The following MAP2 variants were observed in gnomAD, a reference collection of about 807,000 sequenced individuals.
The protein encoded by MAP2 is microtubule associated protein 2.
In MAP2, 14 loss-of-function variants were observed where a neutral mutation model predicts 137.6. The observed-to-expected ratio is 0.10, with a 90% CI of 0.07 to 0.16. MAP2 has a LOEUF of 0.16. Among genes scored for constraint, MAP2 ranks in the 10% least tolerant of loss-of-function variants. MAP2 has a pLI of 1.00. For synonymous variants in MAP2, 786 were observed against 782.3 expected (o/e 1.00, Z -0.08); for missense variants, 2,088 against 2,191.5 (o/e 0.95, Z 0.94).
rs568947757 is a variant in MAP2, at chr2:209,731,327, T to TA, written c.*938dup. ...ATGTTAGCAGGGTTCTCTCCCTATTTAAAAAAAATACATTAAAAAAGACAA... is the reference window on the plus strand; with the variant it reads ...ATGTTAGCAGGGTTCTCTCCCTATTTAAAAAAAAATACATTAAAAAAGACAA... On this transcript the variant is annotated 3_prime_UTR_variant, in exon 16 of 16. Transcript: ENST00000682079. The TA allele has an allele frequency of 1.1e-3, 163 of 152,372 alleles. No individual in the cohort carries two copies. The highest frequency in any genetic ancestry group is 1.9e-3 in the Non-Finnish European group (132 of 67,962). The allele number at this position is 152,372 out of a possible 1,614,324, so 9.4% of individuals were successfully genotyped here.
chr2:209,521,411 C>T (rs976888044), intron 2 of MAP2, among the ~76,000 whole-genome samples: 2 of 151,794 alleles, frequency 1.3e-5, no homozygotes, highest in Non-Finnish European at 2.9e-5. Flanking sequence ...AATCCTTCCT[C>T]CCCCACCCCC....
At chr2:209,600,444 G>A (rs2082651036) in intron 3 of MAP2, among the ~76,000 whole-genome samples, 1 of 152,164 alleles carries the variant, frequency 6.6e-6, no homozygotes, top group African/African-American at 2.4e-5. Flanking sequence ...ACCAGCTGCT[G>A]TCAGTCCCCC....
chr2:209,538,489 C>T (rs1251481104), intron 2 of MAP2, among the ~76,000 whole-genome samples: 1 of 143,500 alleles, frequency 7.0e-6, no homozygotes, highest in Non-Finnish European at 1.5e-5. Context: ...TGAAACAAGA[C>T]AAAACTCAAG....
chr2:209,571,898 C>T (rs1395185276), intron 2 of MAP2, among the ~76,000 whole-genome samples: 4 of 151,808 alleles, frequency 2.6e-5, no homozygotes, highest in Non-Finnish European at 5.9e-5. Flanking sequence ...TTTATACCAT[C>T]CCATTGGCTT....
chr2:209,697,096 A>ATT, intron 10 of MAP2, 45 bp downstream of exon 10: 5 of 1,441,104 alleles, frequency 3.5e-6, no homozygotes, highest in South Asian at 1.4e-5. Flanking sequence ...ATAGACATGT[A>ATT]TTTTTTTTTT....
chr2:209,694,394 G>T lies in MAP2; in HGVS notation c.2224G>T (p.Gly742Trp). 1 of 1,614,108 alleles carries T rather than the reference G, an allele frequency of 6.2e-7. No individual in the cohort carries two copies. The highest frequency in any genetic ancestry group is 8.5e-7 in the Non-Finnish European group (1 of 1,179,998). Residue 742 changes from glycine to tryptophan, a missense_variant, in exon 8 of 16, where the codon GGG becomes TGG. Gly to Trp is a radical substitution (Grantham distance 184, BLOSUM62 -2). Around this residue, in one of 6 missense-constraint regions of MAP2, gnomAD observed 500 missense variants for 482.9 expected, o/e 1.04. Coordinates refer to ENST00000682079, the MANE Select transcript of MAP2 (RefSeq NM_001375505.1). ...CAACACTAGTGGAAGTATGGATGAA[G>T]GGGATGATTACCTTCCAGCCACCAC... Reference protein sequence around the residue: ...LTNTSGSMDEGDDYLPATTPA... With the variant: ...LTNTSGSMDEWDDYLPATTPA...
Position 209,730,724 on chromosome 2 carries a change from C to A in MAP2, c.*327C>A. 4.4e-6 allele frequency: 1 copy of A among 227,642 alleles called. No individual in the cohort carries two copies. Among genetic ancestry groups the A allele is most frequent in the Non-Finnish European group, 8.7e-6 (1 of 114,418 alleles). The allele number at this position is 227,642 out of a possible 1,614,324, so 14.1% of individuals were successfully genotyped here. ...GTGCCTGAAGGCTATCCACTACATT[C>A]TGAAGGCCTTGTTAAAATCCAAGCT... On this transcript the variant is annotated 3_prime_UTR_variant, in exon 16 of 16. Coordinates refer to ENST00000682079, the MANE Select transcript of MAP2 (RefSeq NM_001375505.1).
At chr2:209,690,151 T>A (rs980037590) in intron 7 of MAP2, among the ~76,000 whole-genome samples, 18 of 152,158 alleles carry the variant, frequency 1.2e-4, no homozygotes, top group South Asian at 2.1e-4. Context: ...AGGGGCTTCC[T>A]GCATTGGCGA....
chr2:209,609,095 A>G (rs2085861725), intron 3 of MAP2, among the ~76,000 whole-genome samples: 1 of 152,052 alleles, frequency 6.6e-6, no homozygotes, highest in Non-Finnish European at 1.5e-5. Context: ...GAAATCAGGA[A>G]GGGTGTTTCA....
At chr2:209,608,538 T>G (rs2085619247) in intron 3 of MAP2, among the ~76,000 whole-genome samples, 1 of 152,162 alleles carries the variant, frequency 6.6e-6, no homozygotes, top group Non-Finnish European at 1.5e-5. Flanking sequence ...AATATTGAAT[T>G]GTATTGTTTT....
At chr2:209,635,957 G>T (rs79773150) in intron 4 of MAP2, among the ~76,000 whole-genome samples, 1,722 of 152,218 alleles carry the variant, frequency 0.011, 34 homozygotes, top group African/African-American at 0.04. Flanking sequence ...ACCCCAATGT[G>T]GCTGAACTCA....
intron 5 of MAP2, among the ~76,000 whole-genome samples, chr2:209,670,478 C>T (rs1381849980): frequency 6.6e-6 from 1 of 151,872 alleles, no homozygotes. Context: ...TTTCTAATTA[C>T]CTTTGACTCC....
chr2:209,603,920 TA>T (rs2083784961), intron 3 of MAP2, among the ~76,000 whole-genome samples: 1 of 152,136 alleles, frequency 6.6e-6, no homozygotes, highest in South Asian at 2.1e-4. Flanking sequence ...CACAGTGTCC[TA>T]CTTTTGCTGA....
intron 3 of MAP2, among the ~76,000 whole-genome samples, chr2:209,607,912 T>G (rs1391664994): frequency 6.6e-6 from 1 of 152,208 alleles, no homozygotes; most frequent in East Asian, 1.9e-4. Context: ...TCCTCTAACA[T>G]GTCCATTCAA....
rs891061810 is a variant in MAP2, at chr2:209,731,165, A to G, written c.*768A>G. 10 of 152,476 alleles carry G rather than the reference A, an allele frequency of 6.6e-5. No homozygotes were observed. The highest frequency in any genetic ancestry group is 2.2e-4 in the African/African-American group (9 of 41,406). 9.4% of individuals were successfully genotyped at this position (152,476 alleles called of 1,614,324 possible). Reference sequence around the variant, plus strand: ...CTTTCCATCTGTTTGATACAGTATTATAGATATAAATATATATATATTTCT... The same window carrying G: ...CTTTCCATCTGTTTGATACAGTATTGTAGATATAAATATATATATATTTCT... On this transcript the variant is annotated 3_prime_UTR_variant, in exon 16 of 16. Coordinates refer to ENST00000682079, the MANE Select transcript of MAP2 (RefSeq NM_001375505.1).
At chr2:209,509,003 A>G (rs1041037112) in intron 2 of MAP2, among the ~76,000 whole-genome samples, 5 of 151,994 alleles carry the variant, frequency 3.3e-5, no homozygotes, top group Non-Finnish European at 5.9e-5. Context: ...ATTTTTGTAA[A>G]GTATACATCA....
At chr2:209,689,202 CAA>C (rs1326799545) in intron 7 of MAP2, among the ~76,000 whole-genome samples, 1 of 152,008 alleles carries the variant, frequency 6.6e-6, no homozygotes, top group East Asian at 1.9e-4. Context: ...CTTAAAATAA[CAA>C]GTTAGAATTT....
At chr2:209,502,169 G>A (rs531391822) in intron 1 of MAP2, among the ~76,000 whole-genome samples, 8 of 152,032 alleles carry the variant, frequency 5.3e-5, no homozygotes, top group East Asian at 1.9e-4. Flanking sequence ...AACTATAGTC[G>A]TCATGCTATA....
chr2:209,441,984 CAG>C (rs772246825), intron 1 of MAP2, among the ~76,000 whole-genome samples: 1 of 151,480 alleles, frequency 6.6e-6, no homozygotes, highest in Non-Finnish European at 1.5e-5. Flanking sequence ...GGGAACAAAA[CAG>C]AAAGATTATA....
Sources: allele counts gnomAD v4.1 joint callset (sites outside exome capture counted in the v4.1 genomes callset), GRCh38; gene constraint gnomAD v4.1.1; regional missense constraint gnomAD v4.1.1; transcripts MANE v1.5; gene names NCBI Gene and HGNC (gene_info 2026-07-23, HGNC 2026-07-21).